Variants in FZD8 observed in about 807,000 individuals in gnomAD.
The protein encoded by FZD8 is frizzled class receptor 8, also known as frizzled-8.
FZD8 carries 18 observed loss-of-function variants against 46.0 expected under a neutral mutation model. That is an observed-to-expected ratio of 0.39 (90% CI 0.27 to 0.58). The LOEUF (loss-of-function observed/expected upper bound fraction) is 0.58. Ranked by LOEUF, FZD8 falls within the 20% of genes least tolerant of loss-of-function variation. The pLI, the probability that FZD8 is intolerant of heterozygous loss-of-function variation, is 0.55. For synonymous variants in FZD8, 586 were observed against 467.9 expected, an observed-to-expected ratio of 1.25 and a Z score of -3.26; for missense variants, 785 against 983.4, an observed-to-expected ratio of 0.80 and a Z score of 2.70.
At position 35,640,833 on chromosome 10, in the gene FZD8, ACCGCCCCTGCCGCCG is replaced by A; in HGVS notation, c.582_596del (p.Arg197_Gly201del). 1 of 976,200 alleles carries A rather than the reference ACCGCCCCTGCCGCCG, an allele frequency of 1.0e-6. No homozygotes were observed. The highest frequency in any genetic ancestry group is 1.2e-6 in the Non-Finnish European group (1 of 826,612). 60.5% of individuals were successfully genotyped at this position (976,200 alleles called of 1,614,324 possible). Reference sequence around the variant, plus strand: ...GGGGCGCCGCCGCGTCCCCGCCGCCACCGCCCCTGCCGCCGCCGCGGTGCGGGGGCCTGGCCCCCG... The same window carrying A: ...GGGGCGCCGCCGCGTCCCCGCCGCCACCGCGGTGCGGGGGCCTGGCCCCCG... On this transcript the variant is annotated inframe_deletion, in exon 1 of 1. Coordinates refer to ENST00000374694, the MANE Select transcript of FZD8 (RefSeq NM_031866.3).
Position 35,641,658 on chromosome 10 carries a change from C to G in FZD8, c.-229G>C. ...CCTTCCGCACTCCTTTCCGCCGCTC[C>G]GGGGGTTTGAAGGCGGCTGCAGGCG... On this transcript the variant is annotated 5_prime_UTR_variant, in exon 1 of 1. Coordinates refer to ENST00000374694, the MANE Select transcript of FZD8 (RefSeq NM_031866.3). The surrounding 1 kb of genome is among the most constrained non-coding windows in gnomAD (Gnocchi z 6.3). 1.9e-6 allele frequency: 1 copy of G among 537,332 alleles called. No homozygotes were observed. Among genetic ancestry groups the G allele is most frequent in the Non-Finnish European group, 3.2e-6 (1 of 311,570 alleles). The allele number at this position is 537,332 out of a possible 1,614,324, so 33.3% of individuals were successfully genotyped here. A position where few individuals can be genotyped will look rare whatever the true frequency, so the allele number is the denominator to read the frequency against.
Position 35,640,768 on chromosome 10 carries a change from G to A in FZD8, c.662C>T (p.Pro221Leu). 5 of 1,220,676 alleles carry A rather than the reference G, an allele frequency of 4.1e-6. No individual in the cohort carries two copies. Among genetic ancestry groups the A allele is most frequent in the Middle Eastern group, 3.1e-4 (1 of 3,264 alleles). 75.6% of individuals were successfully genotyped at this position (1,220,676 alleles called of 1,614,324 possible). ...CTCGCAGGGAGCCGCGCCGCCGCCAGGGGGCCGCGCCTTCCCGCCACCGCC... is the reference window on the plus strand; with the variant it reads ...CTCGCAGGGAGCCGCGCCGCCGCCAAGGGGCCGCGCCTTCCCGCCACCGCC... ...GGGGGGKARP[P>L]GGGAAPCEPG... The change falls in exon 1 of 1, where the codon CCT (proline) becomes CTT (leucine). Residue 221 changes from proline to leucine, a missense_variant. Transcript: ENST00000374694.
chr10:35,640,338 G>T lies in FZD8; in HGVS notation c.1092C>A (p.Gly364=), dbSNP rs547056894. The change falls in exon 1 of 1, where the codon GGC becomes GGA. Residue 364 remains glycine (G), a synonymous_variant. Transcript: ENST00000374694. ...GGAAAGAGAA[G]AGAGGPGGRG... Reference sequence around the variant, plus strand: ...GCCCGCCCGGGCCGCCCGCGCCCGCGCCCGCCGCGCCCGCGCCCGCCGCCG... The same window carrying T: ...GCCCGCCCGGGCCGCCCGCGCCCGCTCCCGCCGCGCCCGCGCCCGCCGCCG... The T allele has an allele frequency of 2.3e-4, 223 of 961,438 alleles. 4 individuals are homozygous for T. The East Asian group carries it at 0.019, about 82-fold the overall frequency. The allele number at this position is 961,438 out of a possible 1,614,324, so 59.6% of individuals were successfully genotyped here.
rs1361818087 is a variant in FZD8 at position 35,640,858 on chromosome 10, G to C, written c.572C>G (p.Pro191Arg). The change falls in exon 1 of 1, where the codon CCG (proline) becomes CGG (arginine). Residue 191 changes from proline to arginine, a missense_variant. Coordinates refer to ENST00000374694, the MANE Select transcript of FZD8 (RefSeq NM_031866.3). ...GHGRPPGARP[P>R]HRGGGRGGGG... The stretch of plus-strand genomic sequence containing the variant: ...ACCGCCCCTGCCGCCGCCGCGGTGC[G>C]GGGGCCTGGCCCCCGGCGGGCGGCC... The C allele has an allele frequency of 4.1e-6, 4 of 978,510 alleles. No individual in the cohort carries two copies. The highest frequency in any genetic ancestry group is 2.4e-6 in the Non-Finnish European group (2 of 826,694). 60.6% of individuals were successfully genotyped at this position (978,510 alleles called of 1,614,324 possible). A position where few individuals can be genotyped will look rare whatever the true frequency, so the allele number is the denominator to read the frequency against.
rs1835808044 is a variant in FZD8 at position 35,639,132 on chromosome 10, G to A, written c.*213C>T. The A allele has an allele frequency of 5.4e-6, 1 of 185,830 alleles. No homozygotes were observed. Among genetic ancestry groups the A allele is most frequent in the African/African-American group, 2.4e-5 (1 of 42,344 alleles). The allele number at this position is 185,830 out of a possible 1,614,324, so 11.5% of individuals were successfully genotyped here. A position where few individuals can be genotyped will look rare whatever the true frequency, so the allele number is the denominator to read the frequency against. On this transcript the variant is annotated 3_prime_UTR_variant, in exon 1 of 1. Transcript: ENST00000374694. ...CTCCCCGCACATCAATGGAGGAAAA[G>A]GGGCTGGGTCTGGGAGGCTTCAATG...
At position 35,640,020 on chromosome 10, in the gene FZD8, G is replaced by C; in HGVS notation, c.1410C>G (p.Ile470Met). Residue 470 changes from isoleucine to methionine, a missense_variant, in exon 1 of 1, where the codon ATC (isoleucine) becomes ATG (methionine). Ile to Met is a conservative substitution (Grantham distance 10). This residue lies in a region of FZD8 where 147 missense variants were observed against 242.5 expected (regional missense o/e 0.61). Coordinates refer to ENST00000374694, the MANE Select transcript of FZD8 (RefSeq NM_031866.3). ...SSVDGDPVAG[I>M]CYVGNQSLDN... ...CCAGGCTCTGGTTGCCCACGTAGCA[G>C]ATGCCCGCCACCGGGTCGCCGTCCA... The C allele has an allele frequency of 6.2e-7, 1 of 1,611,526 alleles. No homozygotes were observed. Among genetic ancestry groups the C allele is most frequent in the Non-Finnish European group, 8.5e-7 (1 of 1,179,798 alleles).
chr10:35,638,360 A>G lies in FZD8; in HGVS notation c.*985T>C, dbSNP rs1022175208. On this transcript the variant is annotated 3_prime_UTR_variant, in exon 1 of 1. Coordinates refer to ENST00000374694, the MANE Select transcript of FZD8 (RefSeq NM_031866.3). ...TCCACTAAAGTGAGAGTTGTTATCC[A>G]TGGATCAGAAAAGAGCTCCCATGAA... is the stretch of plus-strand genomic sequence containing the variant. 3.9e-5 allele frequency: 6 copies of G among 152,600 alleles called. No individual in the cohort carries two copies. The highest frequency in any genetic ancestry group is 1.4e-4 in the African/African-American group (6 of 41,466). The allele number at this position is 152,600 out of a possible 1,614,324, so 9.5% of individuals were successfully genotyped here.
chr10:35,640,738 C>T lies in FZD8; in HGVS notation c.692G>A (p.Gly231Glu). 1 of 1,380,934 alleles carries T rather than the reference C, an allele frequency of 7.2e-7. No individual in the cohort carries two copies. 85.5% of individuals were successfully genotyped at this position (1,380,934 alleles called of 1,614,324 possible). A position where few individuals can be genotyped will look rare whatever the true frequency, so the allele number is the denominator to read the frequency against. Residue 231 changes from glycine to glutamate, a missense_variant, in exon 1 of 1, where the codon GGG becomes GAG. This residue lies in a region of FZD8 where 354 missense variants were observed against 433.2 expected (regional missense o/e 0.82). Coordinates refer to ENST00000374694, the MANE Select transcript of FZD8 (RefSeq NM_031866.3). ...CACCATAGGCGCGCGGCACTGGCAC[C>T]CGGGCTCGCAGGGAGCCGCGCCGCC... is the stretch of plus-strand genomic sequence containing the variant. Reference protein sequence around the residue: ...PGGGAAPCEPGCQCRAPMVSV... With the variant: ...PGGGAAPCEPECQCRAPMVSV...
chr10:35,638,646 A>G lies in FZD8; in HGVS notation c.*699T>C, dbSNP rs1422856281. On this transcript the variant is annotated 3_prime_UTR_variant, in exon 1 of 1. Coordinates refer to ENST00000374694, the MANE Select transcript of FZD8 (RefSeq NM_031866.3). Reference sequence around the variant, plus strand: ...TCAAAAGTCATTTTATTGACAAAATAGAATACTTATATCTGTTCTTACAGG... The same window carrying G: ...TCAAAAGTCATTTTATTGACAAAATGGAATACTTATATCTGTTCTTACAGG... 3 of 152,536 alleles carry G rather than the reference A, an allele frequency of 2.0e-5. No individual in the cohort carries two copies. Among genetic ancestry groups the G allele is most frequent in the East Asian group, 3.8e-4 (2 of 5,324 alleles). The allele number at this position is 152,536 out of a possible 1,614,324, so 9.4% of individuals were successfully genotyped here. A position where few individuals can be genotyped will look rare whatever the true frequency, so the allele number is the denominator to read the frequency against.
chr10:35,640,245 C>T lies in FZD8; in HGVS notation c.1185G>A (p.Leu395=), dbSNP rs778028461. 52 of 1,609,490 alleles carry T rather than the reference C, an allele frequency of 3.2e-5. No individual in the cohort carries two copies. The highest frequency in any genetic ancestry group is 1.1e-5 in the South Asian group (1 of 91,082). ...AGACCAGCAAGAAGACCACGGTGCA[C>T]AGCGCGGGGCCGGTGGTCTCGTAGC... The part of the protein sequence containing the change: ...HVRYETTGPA[L]CTVVFLLVYF... The change falls in exon 1 of 1, where the codon CTG becomes CTA. Residue 395 remains leucine, a synonymous_variant. Coordinates refer to ENST00000374694, the MANE Select transcript of FZD8 (RefSeq NM_031866.3).
In FZD8 at chr10:35,639,315, CACCCCTCCTGGGCG is replaced by C; in HGVS notation, c.*16_*29del. ...ACTTGGCTCTCCTCGCCCCCCTCCCCACCCCTCCTGGGCGCCCCCTCCCCTCCGCTCAGACCTGG... is the reference window on the plus strand; with the variant it reads ...ACTTGGCTCTCCTCGCCCCCCTCCCCCCCCCTCCCCTCCGCTCAGACCTGG... On this transcript the variant is annotated 3_prime_UTR_variant, in exon 1 of 1. Transcript: ENST00000374694. 9.9e-7 allele frequency: 1 copy of C among 1,010,742 alleles called. No individual in the cohort carries two copies. The highest frequency in any genetic ancestry group is 1.4e-6 in the Non-Finnish European group (1 of 721,700). The allele number at this position is 1,010,742 out of a possible 1,614,324, so 62.6% of individuals were successfully genotyped here. A position where few individuals can be genotyped will look rare whatever the true frequency, so the allele number is the denominator to read the frequency against.
chr10:35,642,169 ACCCAGGAGCAAAT>A lies in FZD8; in HGVS notation c.-753_-741del, dbSNP rs2135502591. The A allele has an allele frequency of 6.6e-6, 1 of 152,330 alleles. No homozygotes were observed. The highest frequency in any genetic ancestry group is 1.5e-5 in the Non-Finnish European group (1 of 68,056). The allele number at this position is 152,330 out of a possible 1,614,324, so 9.4% of individuals were successfully genotyped here. ...GCACACAGTCTCCTTCCTGCTGGAC[ACCCAGGAGCAAAT>A]CCAGACCGGAAGGCGGAGCGGACAC... On this transcript the variant is annotated 5_prime_UTR_variant, in exon 1 of 1. Coordinates refer to ENST00000374694, the MANE Select transcript of FZD8 (RefSeq NM_031866.3).
chr10:35,641,574 TA>T lies in FZD8; in HGVS notation c.-146del, dbSNP rs988555135. ...TTCGCCCGGGAGGGGGGTCTGCCGA[TA>T]ATCTAACCCCTTCTAGGGGCGCGTC... On this transcript the variant is annotated 5_prime_UTR_variant, in exon 1 of 1. Transcript: ENST00000374694. This position sits in a 1 kb window ranked among gnomAD's most constrained non-coding sequence, Gnocchi z 6.3. 19 of 1,096,582 alleles carry T rather than the reference TA, an allele frequency of 1.7e-5. No individual in the cohort carries two copies. Among genetic ancestry groups the T allele is most frequent in the Non-Finnish European group, 2.0e-5 (16 of 791,516 alleles). 67.9% of individuals were successfully genotyped at this position (1,096,582 alleles called of 1,614,324 possible). A position where few individuals can be genotyped will look rare whatever the true frequency, so the allele number is the denominator to read the frequency against.
chr10:35,640,038 G>C lies in FZD8; in HGVS notation c.1392C>G (p.Gly464=). The change falls in exon 1 of 1, where the codon GGC becomes GGG. Residue 464 remains glycine (G), a synonymous_variant. Coordinates refer to ENST00000374694, the MANE Select transcript of FZD8 (RefSeq NM_031866.3). ...IAVLALSSVD[G]DPVAGICYVG... is the part of the protein sequence containing the mutation. The stretch of plus-strand genomic sequence containing the variant: ...CGTAGCAGATGCCCGCCACCGGGTC[G>C]CCGTCCACCGAGCTGAGCGCCAGCA... 1 of 1,609,446 alleles carries C rather than the reference G, an allele frequency of 6.2e-7. No individual in the cohort carries two copies. The highest frequency in any genetic ancestry group is 1.3e-5 in the African/African-American group (1 of 74,738).
In FZD8 at chr10:35,641,185, G is replaced by A; in HGVS notation, c.245C>T (p.Pro82Leu). ...FWPLVEIQCSPDLKFFLCSMY... is the reference protein window; with the variant it reads ...FWPLVEIQCSLDLKFFLCSMY... ...GCTGCACAGGAAGAACTTGAGATCG[G>A]GCGAGCACTGGATCTCCACCAGCGG... Residue 82 changes from proline (P) to leucine (L), a missense_variant, in exon 1 of 1, where the codon CCC becomes CTC. Physicochemically the swap from Pro to Leu is moderately conservative, Grantham distance 98 (BLOSUM62 -3). Around this residue, in one of 5 missense-constraint regions of FZD8, gnomAD observed 354 missense variants for 433.2 expected, o/e 0.82. Transcript: ENST00000374694. The surrounding 1 kb of genome is among the most constrained non-coding windows in gnomAD (Gnocchi z 6.3). The A allele has an allele frequency of 6.2e-7, 1 of 1,613,968 alleles. No individual in the cohort carries two copies. Among genetic ancestry groups the A allele is most frequent in the Non-Finnish European group, 8.5e-7 (1 of 1,179,904 alleles).
In FZD8 at chr10:35,641,337, C is replaced by T. The variant is rs1429106608; in HGVS notation, c.93G>A (p.Lys31=). 32 of 1,613,852 alleles carry T rather than the reference C, an allele frequency of 2.0e-5. No homozygotes were observed. The highest frequency in any genetic ancestry group is 2.7e-5 in the Non-Finnish European group (32 of 1,179,902). Residue 31 remains lysine, a synonymous_variant, in exon 1 of 1, where the codon AAG becomes AAA. Coordinates refer to ENST00000374694, the MANE Select transcript of FZD8 (RefSeq NM_031866.3). This position sits in a 1 kb window ranked among gnomAD's most constrained non-coding sequence, Gnocchi z 6.3. ...CGGTGATCTCTTGGCATGCCAGCTC[C>T]TTGGCCGAGGCGGCCGCAGCGCCGC... is the stretch of plus-strand genomic sequence containing the variant. ...RSSGAAAASA[K]ELACQEITVP...
Position 35,641,484 on chromosome 10 carries a change from C to CGGGG in FZD8, c.-59_-56dup, listed in dbSNP as rs142623421. On this transcript the variant is annotated 5_prime_UTR_variant, in exon 1 of 1. Coordinates refer to ENST00000374694, the MANE Select transcript of FZD8 (RefSeq NM_031866.3). The surrounding 1 kb of genome is among the most constrained non-coding windows in gnomAD (Gnocchi z 6.3). ...CTCCAGGCGGCGCGCAGAGGGGTGC[C>CGGGG]GGGGGGGGGGCCCACGAGAGAGCCG... 5.5e-4 allele frequency: 748 copies of CGGGG among 1,369,332 alleles called. 6 individuals carry two copies. The African/African-American group carries it at 0.011, about 19-fold the overall frequency. 84.8% of individuals were successfully genotyped at this position (1,369,332 alleles called of 1,614,324 possible).
At position 35,641,432 on chromosome 10, in the gene FZD8, TG is replaced by T; in HGVS notation, c.-4del. On this transcript the variant is annotated 5_prime_UTR_variant, in exon 1 of 1. Coordinates refer to ENST00000374694, the MANE Select transcript of FZD8 (RefSeq NM_031866.3). The surrounding 1 kb of genome is among the most constrained non-coding windows in gnomAD (Gnocchi z 6.3). ...TCCAACAGGTAACCCCACTCCATGC[TG>T]TGCGCCTCGGCCCGGTGCCCTCGCC... 6.3e-7 allele frequency: 1 copy of T among 1,597,282 alleles called. No homozygotes were observed.
chr10:35,640,338 GCC>G lies in FZD8; in HGVS notation c.1090_1091del (p.Gly364ArgfsTer356). 3.1e-6 allele frequency: 3 copies of G among 961,444 alleles called. No individual in the cohort carries two copies. The highest frequency in any genetic ancestry group is 3.7e-6 in the Non-Finnish European group (3 of 811,452). 59.6% of individuals were successfully genotyped at this position (961,444 alleles called of 1,614,324 possible). On this transcript the variant is annotated frameshift_variant, in exon 1 of 1. Transcript: ENST00000374694. LOFTEE classifies it high-confidence loss of function. ...GCCCGCCCGGGCCGCCCGCGCCCGC[GCC>G]CGCCGCGCCCGCGCCCGCCGCCGCG... ...GGAAAGAGAA[G>X]AGAGGPGGRG...
Sources: allele counts gnomAD v4.1 joint callset, GRCh38; gene constraint gnomAD v4.1.1; regional missense constraint gnomAD v4.1.1; non-coding constraint Gnocchi (gnomAD v3.1); transcripts MANE v1.5; gene names NCBI Gene and HGNC (gene_info 2026-07-23, HGNC 2026-07-21).